The following UBE2R2 variants were observed in gnomAD, a reference collection of about 807,000 sequenced individuals.
The protein encoded by UBE2R2 is ubiquitin-conjugating enzyme E2 R2.
A neutral mutation model predicts 27.8 loss-of-function variants in UBE2R2; 1 was observed. That is an observed-to-expected ratio of 0.04 (90% confidence interval 0.01 to 0.17). The LOEUF (loss-of-function observed/expected upper bound fraction) is 0.17, where lower values mean the gene tolerates loss of function less well. Among genes scored for constraint, UBE2R2 ranks in the 10% least tolerant of loss-of-function variants. The pLI is 1.00. For synonymous variants in UBE2R2, 106 were observed against 113.3 expected (o/e 0.94, Z 0.41); for missense variants, 100 against 291.0 (o/e 0.34, Z 4.78).
chr9:33,830,178 G>A (rs1367471835), intron 1 of UBE2R2, among the ~76,000 whole-genome samples: 5 of 129,292 alleles, frequency 3.9e-5, no homozygotes, highest in African/African-American at 1.4e-4. Flanking sequence ...TTTTTTTTGA[G>A]ACAGAGTCTT....
intron 4 of UBE2R2, among the ~76,000 whole-genome samples, chr9:33,913,216 C>T (rs1822534430): frequency 6.6e-6 from 1 of 152,160 alleles, no homozygotes; most frequent in Non-Finnish European, 1.5e-5. Flanking sequence ...GCCTTGGCCT[C>T]CCAAAGTGCT....
chr9:33,852,940 G>A (rs1448735609), intron 1 of UBE2R2, among the ~76,000 whole-genome samples: 2 of 152,020 alleles, frequency 1.3e-5, no homozygotes, highest in East Asian at 1.9e-4. Flanking sequence ...CCCAGGAGGC[G>A]GAGGTTGCAG....
rs1456436939 is a variant in UBE2R2, at chr9:33,817,916, C to T, written c.159C>T (p.Tyr53=). ...TCTTCGGACCCCCCAACACCCTCTA[C>T]GAAGGCGGCTACTTCAAGGTACCCT... ...VAIFGPPNTL[Y]EGGYFKAHIK... is the part of the protein sequence containing the mutation. The change falls in exon 1 of 5, where the codon TAC becomes TAT. Residue 53 remains tyrosine, a synonymous_variant. Coordinates refer to ENST00000263228, the MANE Select transcript of UBE2R2 (RefSeq NM_017811.4). 3 of 1,609,188 alleles carry T rather than the reference C, an allele frequency of 1.9e-6. No individual in the cohort carries two copies. Among genetic ancestry groups the T allele is most frequent in the African/African-American group, 1.3e-5 (1 of 74,448 alleles).
chr9:33,815,560 C>T (rs934655633), upstream of UBE2R2, among the ~76,000 whole-genome samples: 2 of 152,136 alleles, frequency 1.3e-5, no homozygotes, highest in African/African-American at 4.8e-5. Context: ...GCCTCGCCAA[C>T]ATGGTGAAAT....
intron 1 of UBE2R2, among the ~76,000 whole-genome samples, chr9:33,846,123 C>CAAA (rs35915082): frequency 0.037 from 4,985 of 135,232 alleles, 222 homozygotes; most frequent in African/African-American, 0.097. Context: ...GACTCCGTCT[C>CAAA]AAAAAAAAAA....
At chr9:33,834,834 C>T (rs1026819168) in intron 1 of UBE2R2, among the ~76,000 whole-genome samples, 3 of 151,076 alleles carry the variant, frequency 2.0e-5, no homozygotes, top group South Asian at 2.1e-4. Context: ...CCCTTGTTCC[C>T]GGGAGGTGGA....
intron 2 of UBE2R2, among the ~76,000 whole-genome samples, chr9:33,895,015 A>G (rs542768867): frequency 4.0e-4 from 61 of 152,302 alleles, no homozygotes; most frequent in African/African-American, 1.5e-3. Context: ...TATTATTGAA[A>G]TGGATATCTT....
At chr9:33,840,149 G>A (rs1397186888) in intron 1 of UBE2R2, among the ~76,000 whole-genome samples, 2 of 152,096 alleles carry the variant, frequency 1.3e-5, no homozygotes, top group Non-Finnish European at 2.9e-5. Context: ...CATACAGATA[G>A]TGCTTTTTCC....
chr9:33,842,985 A>T (rs2130741897), intron 1 of UBE2R2, among the ~76,000 whole-genome samples: 1 of 143,286 alleles, frequency 7.0e-6, no homozygotes, highest in Non-Finnish European at 1.5e-5. Flanking sequence ...GTGCTACTGC[A>T]TGGCAGCCTG....
intron 3 of UBE2R2, among the ~76,000 whole-genome samples, chr9:33,911,475 C>T (rs965624688): frequency 2.1e-5 from 3 of 144,160 alleles, no homozygotes; most frequent in African/African-American, 7.7e-5. Flanking sequence ...CCAGCTCCCA[C>T]ATCAAGATTG....
intron 1 of UBE2R2, among the ~76,000 whole-genome samples, chr9:33,831,941 G>A (rs1023178473): frequency 9.9e-5 from 15 of 151,884 alleles, no homozygotes; most frequent in African/African-American, 3.4e-4. Context: ...GATTACTGGC[G>A]TGTGCCACCG....
intron 1 of UBE2R2, among the ~76,000 whole-genome samples, chr9:33,853,356 C>T (rs1821014362): frequency 1.4e-5 from 2 of 145,304 alleles, no homozygotes; most frequent in South Asian, 4.4e-4. Flanking sequence ...GTGGTGCGAC[C>T]TTGGCTAACT....
chr9:33,851,651 TAGA>T (rs1179009167), intron 1 of UBE2R2, among the ~76,000 whole-genome samples: 3 of 152,198 alleles, frequency 2.0e-5, no homozygotes, highest in African/African-American at 7.2e-5. Context: ...TTGGGTCACT[TAGA>T]AGATGTTTGC....
At chr9:33,887,233 A>G (rs1821879927) in intron 2 of UBE2R2, among the ~76,000 whole-genome samples, 4 of 152,208 alleles carry the variant, frequency 2.6e-5, no homozygotes, top group Non-Finnish European at 5.9e-5. Flanking sequence ...GGGTTATAAT[A>G]CACATGTCTT....
intron 1 of UBE2R2, among the ~76,000 whole-genome samples, chr9:33,886,221 A>G (rs1226871850): frequency 3.3e-5 from 5 of 152,232 alleles, no homozygotes; most frequent in African/African-American, 4.8e-5. Flanking sequence ...CCGTTGTTCC[A>G]TATTGTGTAC....
chr9:33,876,645 G>A (rs1821608672), intron 1 of UBE2R2, among the ~76,000 whole-genome samples: 1 of 152,150 alleles, frequency 6.6e-6, no homozygotes, highest in Non-Finnish European at 1.5e-5. Context: ...GCCGGGGGCG[G>A]TGGCTCACGC....
At chr9:33,894,636 A>G (rs1355809368) in intron 2 of UBE2R2, among the ~76,000 whole-genome samples, 1 of 152,126 alleles carries the variant, frequency 6.6e-6, no homozygotes, top group East Asian at 1.9e-4. Flanking sequence ...GGTGGCTCAC[A>G]CCTGTAATCT....
chr9:33,817,297 C>T lies in UBE2R2; in HGVS notation c.-461C>T. ...GCCGCTCTCCCCCCACCCTCTCCTGCCCCGCGCGCCCTCCGGCCCCTGCGG... is the reference window on the plus strand; with the variant it reads ...GCCGCTCTCCCCCCACCCTCTCCTGTCCCGCGCGCCCTCCGGCCCCTGCGG... On this transcript the variant is annotated 5_prime_UTR_variant, in exon 1 of 5. Transcript: ENST00000263228. Among the ~76,000 whole-genome samples, 1 of 149,382 alleles carries T rather than the reference C, an allele frequency of 6.7e-6. No homozygotes were observed. Among genetic ancestry groups the T allele is most frequent in the Non-Finnish European group, 1.5e-5 (1 of 66,898 alleles).
chr9:33,851,884 T>C (rs1820975701), intron 1 of UBE2R2, among the ~76,000 whole-genome samples: 1 of 152,106 alleles, frequency 6.6e-6, no homozygotes, highest in African/African-American at 2.4e-5. Context: ...TTGGCATAAA[T>C]AGTATTATTT....
Sources: allele counts gnomAD v4.1 joint callset (sites outside exome capture counted in the v4.1 genomes callset), GRCh38; gene constraint gnomAD v4.1.1; transcripts MANE v1.5; gene names NCBI Gene and HGNC (gene_info 2026-07-23, HGNC 2026-07-21).